Variants in JARID2 observed in about 807,000 individuals in gnomAD.
JARID2 encodes jumonji and AT-rich interaction domain containing 2.
Under a neutral mutation model 125.6 loss-of-function variants are expected in JARID2, and 21 were observed. The observed-to-expected ratio is 0.17, with a 90% CI of 0.12 to 0.24. The LOEUF (loss-of-function observed/expected upper bound fraction) is 0.24, where lower values mean the gene tolerates loss of function less well. JARID2 is among the 10% of genes least tolerant of loss of function. The probability of loss-of-function intolerance (pLI) is 1.00; values close to 1 mark genes in which losing one functional copy is unlikely to be tolerated. For synonymous variants in JARID2, 736 were observed against 661.6 expected, an observed-to-expected ratio of 1.11 and a Z score of -1.73; for missense variants, 1,303 against 1,639.6, an observed-to-expected ratio of 0.79 and a Z score of 3.55.
intron 2 of JARID2, among the ~76,000 whole-genome samples, chr6:15,394,875 T>A (rs898165345): frequency 6.6e-6 from 1 of 151,496 alleles, no homozygotes; most frequent in Non-Finnish European, 1.5e-5. Flanking sequence ...CATGCAGTAA[T>A]TCAGAACCAA....
intron 1 of JARID2, among the ~76,000 whole-genome samples, chr6:15,257,134 C>T (rs1027598136): frequency 3.9e-5 from 6 of 152,088 alleles, no homozygotes; most frequent in Non-Finnish European, 8.8e-5. Flanking sequence ...TCTGTTACTG[C>T]CTTTGGAAAT....
At chr6:15,266,918 C>G (rs919960133) in intron 1 of JARID2, among the ~76,000 whole-genome samples, 1 of 152,168 alleles carries the variant, frequency 6.6e-6, no homozygotes, top group Admixed American at 6.5e-5. Context: ...ATCACCAGGC[C>G]GTGGTTTAAA....
At position 15,520,238 on chromosome 6, in the gene JARID2, C is replaced by T. The variant is rs201283605; in HGVS notation, c.3728C>T (p.Ser1243Leu). The change falls in exon 18 of 18, where the codon TCG becomes TTG. Residue 1243 changes from serine to leucine, a missense_variant. Physicochemically the swap from Ser to Leu is moderately radical, Grantham distance 145. Transcript: ENST00000341776. ...LSASSSSKSA[S>L]SSS Reference sequence around the variant, plus strand: ...GCCTCCAGTTCATCCAAAAGTGCTTCGAGCTCATCATGAAGATGCCAACGC... The same window carrying T: ...GCCTCCAGTTCATCCAAAAGTGCTTTGAGCTCATCATGAAGATGCCAACGC... The T allele has an allele frequency of 7.5e-5, 120 of 1,605,064 alleles. No homozygotes were observed. Among genetic ancestry groups the T allele is most frequent in the Non-Finnish European group, 9.2e-5 (108 of 1,176,498 alleles).
At chr6:15,508,858 A>G in intron 12 of JARID2, 1 of 715,110 alleles carries the variant, frequency 1.4e-6, no homozygotes, top group South Asian at 1.7e-5. Context: ...GGGTTAAGGA[A>G]CAGTAGTAAA....
intron 1 of JARID2, chr6:15,248,037 G>A: frequency 1.0e-6 from 1 of 985,402 alleles, no homozygotes; most frequent in Non-Finnish European, 1.2e-6. Flanking sequence ...TCCGGACCTC[G>A]TTGAGGTGGA....
At chr6:15,302,303 C>T (rs543932569) in intron 1 of JARID2, among the ~76,000 whole-genome samples, 1 of 152,152 alleles carries the variant, frequency 6.6e-6, no homozygotes, top group East Asian at 1.9e-4. Context: ...GTAATCCCAG[C>T]GACTCAGGAG....
At chr6:15,387,886 G>C (rs770062036) in intron 2 of JARID2, among the ~76,000 whole-genome samples, 1 of 152,108 alleles carries the variant, frequency 6.6e-6, no homozygotes, top group Non-Finnish European at 1.5e-5. Context: ...TTCTGAGGTC[G>C]AGGGAATCCT....
At chr6:15,249,627 T>C (rs1337956933) in intron 1 of JARID2, among the ~76,000 whole-genome samples, 1 of 152,192 alleles carries the variant, frequency 6.6e-6, no homozygotes, top group Non-Finnish European at 1.5e-5. Context: ...AAGGTGGCAT[T>C]ATTACTTGAG....
chr6:15,289,080 T>G lies in JARID2; in HGVS notation c.45+42496T>G, dbSNP rs539154421. On this transcript the variant is annotated intron_variant, in intron 1 of 17. Transcript: ENST00000341776. Reference sequence around the variant, plus strand: ...ACAAATGAATGATCTTGATTGGGGTTGGTGAAACCCCGTTAACAGTTAATC... The same window carrying G: ...ACAAATGAATGATCTTGATTGGGGTGGGTGAAACCCCGTTAACAGTTAATC... Among the ~76,000 whole-genome samples, 26 of 152,276 alleles carry G rather than the reference T, an allele frequency of 1.7e-4. No homozygotes were observed. In the South Asian group the frequency reaches 3.9e-3, roughly 23 times the overall value.
At chr6:15,416,871 G>T (rs368528004) in intron 3 of JARID2, among the ~76,000 whole-genome samples, 1 of 152,190 alleles carries the variant, frequency 6.6e-6, no homozygotes, top group South Asian at 2.1e-4. Context: ...CTTGTAAAGT[G>T]TGTATTTGCC....
intron 1 of JARID2, among the ~76,000 whole-genome samples, chr6:15,265,574 C>T (rs1336194567): frequency 1.3e-5 from 2 of 152,118 alleles, no homozygotes; most frequent in Admixed American, 6.5e-5. Context: ...CCTCATCTCT[C>T]CCCATGGGTA....
chr6:15,350,390 C>T (rs1223708215), intron 1 of JARID2, among the ~76,000 whole-genome samples: 2 of 152,200 alleles, frequency 1.3e-5, no homozygotes, highest in African/African-American at 4.8e-5. Context: ...TTCTCCGTGT[C>T]TTGAGCTGGA....
At chr6:15,247,908 A>T (rs1276260871) in intron 1 of JARID2, 1 of 985,308 alleles carries the variant, frequency 1.0e-6, no homozygotes, top group African/African-American at 1.7e-5. Flanking sequence ...GGCTGTAGAA[A>T]CTGCACTGAG....
chr6:15,489,307 G>T (rs141384953), intron 6 of JARID2, among the ~76,000 whole-genome samples: 115 of 152,322 alleles, frequency 7.5e-4, no homozygotes, highest in African/African-American at 2.7e-3. Flanking sequence ...TGAGCTTCCA[G>T]ATCTTGCCTT....
intron 1 of JARID2, among the ~76,000 whole-genome samples, chr6:15,247,286 TCTCC>T (rs910458522): frequency 3.3e-5 from 5 of 152,332 alleles, no homozygotes; most frequent in African/African-American, 1.2e-4. Flanking sequence ...ACAAATAATT[TCTCC>T]CTGTTAACTG....
At chr6:15,314,827 G>T (rs1762126922) in intron 1 of JARID2, 1 of 152,182 alleles carries the variant, frequency 6.6e-6, no homozygotes, top group Non-Finnish European at 1.5e-5. Context: ...TTTCCCGACT[G>T]CTTCAGTAAA....
intron 1 of JARID2, among the ~76,000 whole-genome samples, chr6:15,265,238 C>T (rs541026844): frequency 6.6e-6 from 1 of 152,146 alleles, no homozygotes; most frequent in Non-Finnish European, 1.5e-5. Flanking sequence ...CGGATCCAGC[C>T]CAGCCCTTGT....
At chr6:15,251,272 T>G (rs940791940) in intron 1 of JARID2, among the ~76,000 whole-genome samples, 2 of 152,242 alleles carry the variant, frequency 1.3e-5, no homozygotes, top group African/African-American at 2.4e-5. Context: ...CGCCTTGGCC[T>G]CCCAAAGTGC....
intron 1 of JARID2, among the ~76,000 whole-genome samples, chr6:15,257,714 A>G (rs16876166): frequency 0.15 from 23,436 of 152,232 alleles, 2,618 homozygotes; most frequent in African/African-American, 0.32. Flanking sequence ...ACTAATTTAC[A>G]GTCCCACAGG....
Sources: allele counts gnomAD v4.1 joint callset (sites outside exome capture counted in the v4.1 genomes callset), GRCh38; gene constraint gnomAD v4.1.1; transcripts MANE v1.5; gene names NCBI Gene and HGNC (gene_info 2026-07-23, HGNC 2026-07-21).